KCNAB1: variants seen among roughly 807,000 people sequenced by gnomAD.
KCNAB1 encodes the protein voltage-gated potassium channel subunit beta-1.
KCNAB1 carries 35 observed loss-of-function variants against 64.6 expected under a neutral mutation model. The ratio of observed to expected loss-of-function variants is 0.54; its 90% confidence interval spans 0.41 to 0.72. KCNAB1 has a LOEUF of 0.72. Ranked by LOEUF, KCNAB1 falls within the 30% of genes least tolerant of loss-of-function variation. The pLI is 0.00. For missense variants in KCNAB1, 401 were observed against 512.9 expected (o/e 0.78, Z 2.11); for synonymous variants, 177 against 183.8 (o/e 0.96, Z 0.30).
At chr3:156,300,447 T>C (rs1472524727) in intron 1 of KCNAB1, among the ~76,000 whole-genome samples, 1 of 152,150 alleles carries the variant, frequency 6.6e-6, no homozygotes, top group African/African-American at 2.4e-5. Flanking sequence ...TAACTATAAC[T>C]CTCATTCAAA....
chr3:156,368,930 G>T (rs928589290), intron 1 of KCNAB1, among the ~76,000 whole-genome samples: 1 of 152,114 alleles, frequency 6.6e-6, no homozygotes, highest in Non-Finnish European at 1.5e-5. Context: ...CTCTTTCTTT[G>T]CTTGTTTCTT....
intron 1 of KCNAB1, among the ~76,000 whole-genome samples, chr3:156,314,691 C>T (rs1381626668): frequency 2.6e-5 from 4 of 152,236 alleles, no homozygotes; most frequent in African/African-American, 7.2e-5. Flanking sequence ...GACTTTAGCT[C>T]AAGATGCAAA....
intron 1 of KCNAB1, among the ~76,000 whole-genome samples, chr3:156,314,842 C>A (rs1387311422): frequency 1.3e-5 from 2 of 152,102 alleles, no homozygotes; most frequent in African/African-American, 2.4e-5. Flanking sequence ...GTGATATCCC[C>A]ATCTCTACTG....
intron 1 of KCNAB1, among the ~76,000 whole-genome samples, chr3:156,193,965 G>A (rs180748431): frequency 6.6e-6 from 1 of 152,182 alleles, no homozygotes; most frequent in East Asian, 1.9e-4. Context: ...ATTTATTATA[G>A]TTAACTTTCA....
chr3:156,461,094 T>C (rs1173007376), intron 5 of KCNAB1, among the ~76,000 whole-genome samples: 1 of 150,298 alleles, frequency 6.7e-6, no homozygotes, highest in East Asian at 1.9e-4. Context: ...CACTCAGTCC[T>C]TCACCTTGCC....
chr3:156,481,817 T>G (rs1222613296), intron 8 of KCNAB1, among the ~76,000 whole-genome samples: 1 of 152,162 alleles, frequency 6.6e-6, no homozygotes, highest in African/African-American at 2.4e-5. Context: ...CTCACTTTCC[T>G]CACCTGAAAA....
rs1712111924 is a variant in KCNAB1, at chr3:156,452,881, ATATT to A, written c.320-13_320-10del. 1.1e-5 allele frequency: 17 copies of A among 1,559,994 alleles called. No homozygotes were observed. Among genetic ancestry groups the A allele is most frequent in the Non-Finnish European group, 1.5e-5 (17 of 1,140,712 alleles). ...AAAAATGATGATGAATAATATGCAA[ATATT>A]TATTATTTTCTAGGAACATGGGTGA... On this transcript the variant is annotated splice_polypyrimidine_tract_variant and intron_variant, in intron 2 of 13. Transcript: ENST00000490337. This position sits in a 1 kb window ranked among gnomAD's most constrained non-coding sequence, Gnocchi z 4.6.
At chr3:156,450,942 C>T (rs1711954692) in intron 2 of KCNAB1, among the ~76,000 whole-genome samples, 1 of 149,088 alleles carries the variant, frequency 6.7e-6, no homozygotes, top group Non-Finnish European at 1.5e-5. Context: ...GTTCATTTTC[C>T]TCTTCTTTTT....
At chr3:156,151,068 C>A (rs1223514484) in intron 1 of KCNAB1, among the ~76,000 whole-genome samples, 1 of 152,136 alleles carries the variant, frequency 6.6e-6, no homozygotes, top group Non-Finnish European at 1.5e-5. Flanking sequence ...TCAGCCCCAC[C>A]TCAGGTGCAG....
intron 4 of KCNAB1, among the ~76,000 whole-genome samples, chr3:156,457,956 C>T (rs1712573304): frequency 6.6e-6 from 1 of 152,186 alleles, no homozygotes; most frequent in African/African-American, 2.4e-5. Flanking sequence ...AGTTTTTCAG[C>T]CCCTGAGGAA....
At chr3:156,423,285 C>T (rs923091769) in intron 2 of KCNAB1, among the ~76,000 whole-genome samples, 5 of 151,806 alleles carry the variant, frequency 3.3e-5, no homozygotes, top group African/African-American at 7.3e-5. Flanking sequence ...AAAAATGATG[C>T]GGAAAAAGGA....
At chr3:156,532,311 A>G (rs1718755821) in intron 13 of KCNAB1, among the ~76,000 whole-genome samples, 1 of 152,108 alleles carries the variant, frequency 6.6e-6, no homozygotes, top group Admixed American at 6.5e-5. Context: ...GGAGTTTAGT[A>G]TCTATTGTGA....
chr3:156,406,382 T>C (rs914247369), intron 1 of KCNAB1, among the ~76,000 whole-genome samples: 4 of 152,008 alleles, frequency 2.6e-5, no homozygotes, highest in African/African-American at 9.7e-5. Flanking sequence ...CACGCAAGCT[T>C]GTGGGAGAGA....
intron 1 of KCNAB1, among the ~76,000 whole-genome samples, chr3:156,201,844 G>A (rs1264237442): frequency 6.6e-6 from 1 of 152,186 alleles, no homozygotes; most frequent in Non-Finnish European, 1.5e-5. Flanking sequence ...GCTAGTGCAT[G>A]TCCATGAGGG....
At chr3:156,465,167 A>G (rs7648656) in intron 6 of KCNAB1, among the ~76,000 whole-genome samples, 21,177 of 152,168 alleles carry the variant, frequency 0.14, 2,801 homozygotes, top group African/African-American at 0.35. Context: ...CATTTGCTTC[A>G]TCACATTTTA....
At chr3:156,413,395 T>C (rs1714817513) in intron 1 of KCNAB1, among the ~76,000 whole-genome samples, 1 of 152,224 alleles carries the variant, frequency 6.6e-6, no homozygotes, top group African/African-American at 2.4e-5. Flanking sequence ...GGAGCAGAGC[T>C]TGGAGTCAAT....
rs143231050 is a variant in KCNAB1 at position 156,257,309 on chromosome 3, A to G, written c.275+136423A>G. ...GGTAGTAAGTGAGGAAAGGAACAAA[A>G]TTCATGGGGCTTTCTGCTTAGCAAC... On this transcript the variant is annotated intron_variant, in intron 1 of 13. Transcript: ENST00000490337. 5.7e-3 allele frequency among the ~76,000 whole-genome samples: 862 copies of G among 152,322 alleles called. 9 individuals carry two copies. Among genetic ancestry groups the G allele is most frequent in the South Asian group, 0.016 (79 of 4,830 alleles).
chr3:156,170,004 C>G (rs1711854705), intron 1 of KCNAB1, among the ~76,000 whole-genome samples: 1 of 152,156 alleles, frequency 6.6e-6, no homozygotes, highest in Admixed American at 6.5e-5. Flanking sequence ...CTTTTTCCCT[C>G]TACTGCCCAA....
At chr3:156,436,601 T>C (rs140884439) in intron 2 of KCNAB1, among the ~76,000 whole-genome samples, 2 of 152,332 alleles carry the variant, frequency 1.3e-5, no homozygotes, top group Non-Finnish European at 2.9e-5. Context: ...TTTTTAATAA[T>C]GGTCATTCTA....
Sources: allele counts gnomAD v4.1 joint callset (sites outside exome capture counted in the v4.1 genomes callset), GRCh38; gene constraint gnomAD v4.1.1; non-coding constraint Gnocchi (gnomAD v3.1); transcripts MANE v1.5; gene names NCBI Gene and HGNC (gene_info 2026-07-23, HGNC 2026-07-21).